The following FAM193B variants were observed in gnomAD, a reference collection of about 807,000 sequenced individuals.
FAM193B encodes the protein family with sequence similarity 193 member B.
In FAM193B, 27 loss-of-function variants were observed where a neutral mutation model predicts 70.7. That is an observed-to-expected ratio of 0.38 (90% CI 0.28 to 0.53). The LOEUF is 0.53. FAM193B is among the 20% of genes least tolerant of loss of function. FAM193B has a pLI of 0.81. For missense variants in FAM193B, 1,022 were observed against 1,072.5 expected, an observed-to-expected ratio of 0.95 and a Z score of 0.66; for synonymous variants, 448 against 436.0, an observed-to-expected ratio of 1.03 and a Z score of -0.34.
In FAM193B at chr5:177,523,963, A is replaced by G; in HGVS notation, c.2366T>C (p.Phe789Ser). Residue 789 changes from phenylalanine to serine, a missense_variant, in exon 7 of 9, where the codon TTT becomes TCT. Transcript: ENST00000514747. ...GCAGGCAGCCCACACCTACCTCTTAAAGTACTCCACCTCTCGGTCAGTCTC... is the reference window on the plus strand; with the variant it reads ...GCAGGCAGCCCACACCTACCTCTTAGAGTACTCCACCTCTCGGTCAGTCTC... ...MDETDREVEY[F>S]KRFCLDSAKQ... 1 of 1,613,954 alleles carries G rather than the reference A, an allele frequency of 6.2e-7. No individual in the cohort carries two copies. The highest frequency in any genetic ancestry group is 8.5e-7 in the Non-Finnish European group (1 of 1,179,858).
At chr5:177,527,778 G>A (rs1762833934) in intron 5 of FAM193B, among the ~76,000 whole-genome samples, 1 of 152,222 alleles carries the variant, frequency 6.6e-6, no homozygotes, top group Non-Finnish European at 1.5e-5. Context: ...CACTCCCCAG[G>A]CGGGCGCCCA....
intron 5 of FAM193B, chr5:177,531,892 T>C (rs377434986): frequency 6.7e-6 from 8 of 1,188,846 alleles, no homozygotes. Flanking sequence ...AGCAATTTAA[T>C]TACTTTCATT....
intron 5 of FAM193B, among the ~76,000 whole-genome samples, chr5:177,530,876 CT>C (rs1249669298): frequency 6.6e-6 from 1 of 152,172 alleles, no homozygotes; most frequent in African/African-American, 2.4e-5. Flanking sequence ...GGATGGGGGA[CT>C]TCCCTCATCC....
intron 8 of FAM193B, among the ~76,000 whole-genome samples, chr5:177,520,424 C>A (rs932272419): frequency 1.3e-5 from 2 of 152,358 alleles, no homozygotes; most frequent in South Asian, 4.1e-4. Context: ...TTGAGTAGAT[C>A]CAGCCTTTGG....
intron 5 of FAM193B, chr5:177,531,813 C>G: frequency 1.9e-6 from 2 of 1,053,076 alleles, no homozygotes; most frequent in Non-Finnish European, 2.4e-6. Flanking sequence ...GGCGAGTCAC[C>G]GAGTCTTTGT....
chr5:177,537,773 T>C (rs2127472718), intron 3 of FAM193B, 100 bp downstream of exon 3: 2 of 1,432,884 alleles, frequency 1.4e-6, no homozygotes, highest in South Asian at 1.6e-5. Context: ...TTTTACTTAT[T>C]TTAGTAACCA....
chr5:177,530,216 C>T (rs1763242118), intron 5 of FAM193B, among the ~76,000 whole-genome samples: 1 of 152,190 alleles, frequency 6.6e-6, no homozygotes, highest in South Asian at 2.1e-4. Flanking sequence ...TGTCCTCAGT[C>T]CCGAGGCCTG....
rs1449699137 is a variant in FAM193B, at chr5:177,538,065, C to G, written c.496G>C (p.Asp166His). The G allele has an allele frequency of 6.4e-7, 1 of 1,550,976 alleles. No individual in the cohort carries two copies. Among genetic ancestry groups the G allele is most frequent in the Non-Finnish European group, 8.7e-7 (1 of 1,146,058 alleles). ...HTSCKSQSCG[D>H]DSHSSSSSSS... is the part of the protein sequence containing the mutation. ...GAAGACGAGGACGAATGAGAGTCAT[C>G]TCCACAAGACTGTGATTTGCAGGAT... Residue 166 changes from aspartate to histidine, a missense_variant, in exon 3 of 9, where the codon GAT becomes CAT. Asp to His is a moderately conservative substitution (Grantham distance 81). Coordinates refer to ENST00000514747, the MANE Select transcript of FAM193B (RefSeq NM_001190946.3). This position sits in a 1 kb window ranked among gnomAD's most constrained non-coding sequence, Gnocchi z 4.1.
Position 177,524,908 on chromosome 5 carries a change from C to A in FAM193B, c.1573G>T (p.Glu525Ter). The change falls in exon 6 of 9, where the codon GAG becomes TAG. Residue 525 changes from glutamate to a stop codon, truncating the protein, a stop_gained. Coordinates refer to ENST00000514747, the MANE Select transcript of FAM193B (RefSeq NM_001190946.3). LOFTEE classifies it high-confidence loss of function. ...TCAAGGTTGATGTCAGGCTGCTGCT[C>A]TGAGGAGCCACTGAGGTTTGAGGGG... ...LPPSNLSGSS[E>*]QQPDINLDLS... 1 of 1,509,224 alleles carries A rather than the reference C, an allele frequency of 6.6e-7. No individual in the cohort carries two copies. Among genetic ancestry groups the A allele is most frequent in the South Asian group, 1.4e-5 (1 of 73,830 alleles). 93.5% of individuals were successfully genotyped at this position (1,509,224 alleles called of 1,614,324 possible).
At chr5:177,528,301 C>G (rs905037370) in intron 5 of FAM193B, among the ~76,000 whole-genome samples, 1 of 152,104 alleles carries the variant, frequency 6.6e-6, no homozygotes, top group Admixed American at 6.5e-5. Flanking sequence ...GGTAGAAAAC[C>G]GCCTGCAATG....
intron 1 of FAM193B, 191 bp downstream of exon 1, chr5:177,554,058 G>A (rs1446447133): frequency 1.5e-6 from 2 of 1,355,398 alleles, no homozygotes; most frequent in African/African-American, 1.5e-5. Flanking sequence ...CGCGGACCGA[G>A]CCTCGGCTTT....
intron 1 of FAM193B, chr5:177,553,115 G>A (rs1766516896): frequency 1.1e-6 from 1 of 946,332 alleles, no homozygotes; most frequent in Non-Finnish European, 1.3e-6. Context: ...ACGCAACTGG[G>A]GAGGTCAGGG....
chr5:177,537,017 T>C (rs1347039683), intron 3 of FAM193B, among the ~76,000 whole-genome samples: 4 of 152,210 alleles, frequency 2.6e-5, no homozygotes, highest in African/African-American at 9.6e-5. Flanking sequence ...ATATGCATTC[T>C]GTCTCTGAGG....
intron 4 of FAM193B, among the ~76,000 whole-genome samples, chr5:177,534,609 T>C (rs1282679908): frequency 6.6e-6 from 1 of 151,570 alleles, no homozygotes; most frequent in Non-Finnish European, 1.5e-5. Context: ...GCCAGCAAAA[T>C]TGATTTTATT....
chr5:177,521,948 G>A, intron 8 of FAM193B, 26 bp downstream of exon 8: 1 of 1,576,268 alleles, frequency 6.3e-7, no homozygotes, highest in Non-Finnish European at 8.7e-7. Flanking sequence ...GAGAGGCAGT[G>A]GATGTAACTC....
rs370875969 is a variant in FAM193B at position 177,524,704 on chromosome 5, G to C, written c.1777C>G (p.Leu593Val). 1 of 1,592,078 alleles carries C rather than the reference G, an allele frequency of 6.3e-7. No homozygotes were observed. Among genetic ancestry groups the C allele is most frequent in the African/African-American group, 1.3e-5 (1 of 74,144 alleles). ...LVRRLNTVPNLSRVIWVKTPK... is the reference protein window; with the variant it reads ...LVRRLNTVPNVSRVIWVKTPK... ...GTCTTGACCCAGATCACCCGGGATA[G>C]GTTGGGCACGGTGTTGAGTCTCCTC... The change falls in exon 6 of 9, where the codon CTA becomes GTA. Residue 593 changes from leucine to valine, a missense_variant. Coordinates refer to ENST00000514747, the MANE Select transcript of FAM193B (RefSeq NM_001190946.3).
intron 1 of FAM193B, among the ~76,000 whole-genome samples, chr5:177,541,033 T>C (rs1764788930): frequency 6.6e-6 from 1 of 152,178 alleles, no homozygotes; most frequent in African/African-American, 2.4e-5. Flanking sequence ...AGAAGCATAA[T>C]GAAACTTTCG....
rs1690143149 is a variant in FAM193B, at chr5:177,554,331, G to A, written c.128C>T (p.Ala43Val). Reference sequence around the variant, plus strand: ...CTCCGCCGGCGCCTCCGGAGGGCCTGCACCCGCTCCCGCCTCCAGGCTTGG... The same window carrying A: ...CTCCGCCGGCGCCTCCGGAGGGCCTACACCCGCTCCCGCCTCCAGGCTTGG... ...PPPSLEAGAGAGPPEAPAEPD... is the reference protein window; with the variant it reads ...PPPSLEAGAGVGPPEAPAEPD... The change falls in exon 1 of 9, where the codon GCA (alanine) becomes GTA (valine). Residue 43 changes from alanine (A) to valine (V), a missense_variant. Coordinates refer to ENST00000514747, the MANE Select transcript of FAM193B (RefSeq NM_001190946.3). 11 of 1,274,772 alleles carry A rather than the reference G, an allele frequency of 8.6e-6. No individual in the cohort carries two copies. Among genetic ancestry groups the A allele is most frequent in the African/African-American group, 1.5e-5 (1 of 64,614 alleles). 79.0% of individuals were successfully genotyped at this position (1,274,772 alleles called of 1,614,324 possible). A position where few individuals can be genotyped will look rare whatever the true frequency, so the allele number is the denominator to read the frequency against.
Position 177,554,371 on chromosome 5 carries a change from C to CGGGCGCCTGGGGCTT in FAM193B, c.73_87dup (p.Lys25_Pro29dup). ...TCCAGGCTTGGCGGCGGCGGGGGCTCGGGCGCCTGGGGCTTCTGCGGCCCC... is the reference window on the plus strand; with the variant it reads ...TCCAGGCTTGGCGGCGGCGGGGGCTCGGGCGCCTGGGGCTTGGGCGCCTGGGGCTTCTGCGGCCCC... On this transcript the variant is annotated inframe_insertion, in exon 1 of 9. Coordinates refer to ENST00000514747, the MANE Select transcript of FAM193B (RefSeq NM_001190946.3). 1.7e-6 allele frequency: 2 copies of CGGGCGCCTGGGGCTT among 1,211,494 alleles called. No individual in the cohort carries two copies. Among genetic ancestry groups the CGGGCGCCTGGGGCTT allele is most frequent in the Non-Finnish European group, 2.1e-6 (2 of 974,926 alleles). The allele number at this position is 1,211,494 out of a possible 1,614,324, so 75.0% of individuals were successfully genotyped here. A position where few individuals can be genotyped will look rare whatever the true frequency, so the allele number is the denominator to read the frequency against.
Sources: allele counts gnomAD v4.1 joint callset (sites outside exome capture counted in the v4.1 genomes callset), GRCh38; gene constraint gnomAD v4.1.1; non-coding constraint Gnocchi (gnomAD v3.1); transcripts MANE v1.5; gene names NCBI Gene and HGNC (gene_info 2026-07-23, HGNC 2026-07-21).